Variants in MYO10 observed in about 807,000 individuals in gnomAD.
The protein encoded by MYO10 is unconventional myosin-X.
In MYO10, 133 loss-of-function variants were observed where a neutral mutation model predicts 257.3. The observed-to-expected ratio is 0.52, with a 90% CI of 0.45 to 0.60. The LOEUF (loss-of-function observed/expected upper bound fraction) is 0.60, where lower values mean the gene tolerates loss of function less well. MYO10 is among the 20% of genes least tolerant of loss of function. The pLI is 0.00. For synonymous variants in MYO10, 1,104 were observed against 1,028.6 expected, an observed-to-expected ratio of 1.07 and a Z score of -1.40; for missense variants, 2,399 against 2,635.7, an observed-to-expected ratio of 0.91 and a Z score of 1.97.
In MYO10 at chr5:16,680,460, C is replaced by T. The variant is rs559658988; in HGVS notation, c.4385-356G>A. On this transcript the variant is annotated intron_variant, in intron 32 of 40. Coordinates refer to ENST00000513610, the MANE Select transcript of MYO10 (RefSeq NM_012334.3). ...AAACTCTCTCTGATTTCTGACTTTC[C>T]TTCTTACTTCCTATTTCTTCCTTTC... Among the ~76,000 whole-genome samples the T allele has an allele frequency of 1.4e-4, 22 of 152,224 alleles. 1 individual carries two copies. The South Asian group carries it at 4.6e-3, about 32-fold the overall frequency.
chr5:16,702,316 T>C (rs180889549), intron 24 of MYO10, among the ~76,000 whole-genome samples: 2 of 152,360 alleles, frequency 1.3e-5, no homozygotes, highest in African/African-American at 4.8e-5. Flanking sequence ...ACGCTGGTTA[T>C]ACCGATTTAG....
At chr5:16,871,394 C>G (rs548256474) in intron 2 of MYO10, among the ~76,000 whole-genome samples, 8 of 152,232 alleles carry the variant, frequency 5.3e-5, no homozygotes, top group South Asian at 2.1e-4. Flanking sequence ...GCAGGCAGAT[C>G]GCTTGAGCTC....
At chr5:16,899,800 C>T (rs540947049) in intron 1 of MYO10, among the ~76,000 whole-genome samples, 2 of 151,898 alleles carry the variant, frequency 1.3e-5, no homozygotes, top group Admixed American at 6.6e-5. Context: ...GAGTTCAGGG[C>T]CAACCTGGCC....
intron 3 of MYO10, among the ~76,000 whole-genome samples, chr5:16,799,115 T>A (rs1318055573): frequency 6.6e-6 from 1 of 150,476 alleles, no homozygotes; most frequent in Non-Finnish European, 1.5e-5. Flanking sequence ...TTATTAAAAC[T>A]TCTTACACAG....
At chr5:16,844,010 T>C (rs1257905184) in intron 2 of MYO10, among the ~76,000 whole-genome samples, 2 of 152,180 alleles carry the variant, frequency 1.3e-5, no homozygotes, top group Non-Finnish European at 2.9e-5. Context: ...ACGCTGCAAG[T>C]GGGGGAAAAC....
At chr5:16,815,276 A>G in intron 3 of MYO10, 1 of 524,748 alleles carries the variant, frequency 1.9e-6, no homozygotes, top group Admixed American at 3.6e-5. Flanking sequence ...GTGGATTTCA[A>G]TATTTTTTGG....
chr5:16,814,319 C>CT (rs879475214), intron 3 of MYO10, among the ~76,000 whole-genome samples: 2,547 of 147,680 alleles, frequency 0.017, 68 homozygotes, highest in African/African-American at 0.059. Flanking sequence ...TTTTTTTGTA[C>CT]TTTTTTTTTT....
In MYO10 at chr5:16,761,990, T is replaced by C. The variant is rs138830592; in HGVS notation, c.1656+55A>G. On this transcript the variant is annotated intron_variant, in intron 16 of 40. Transcript: ENST00000513610. ...TCATGATTGGCTTCTGAAACCACTG[T>C]TTTCTCTGAATACCAAACAGGCAAA... 6.0e-4 allele frequency: 879 copies of C among 1,468,254 alleles called. 10 individuals are homozygous for C. In the East Asian group the frequency reaches 0.02, roughly 33 times the overall value. 91.0% of individuals were successfully genotyped at this position (1,468,254 alleles called of 1,614,324 possible).
chr5:16,778,968 GCATGAGCCA>G (rs1741320050), intron 9 of MYO10, among the ~76,000 whole-genome samples: 1 of 152,058 alleles, frequency 6.6e-6, no homozygotes, highest in Non-Finnish European at 1.5e-5. Flanking sequence ...GGGATTATAG[GCATGAGCCA>G]CCGCGCCTGG....
intron 10 of MYO10, among the ~76,000 whole-genome samples, chr5:16,767,406 G>C (rs1367379087): frequency 6.6e-6 from 1 of 151,780 alleles, no homozygotes; most frequent in African/African-American, 2.4e-5. Context: ...CTGACCTCAC[G>C]TGATCCACCT....
At position 16,776,751 on chromosome 5, in the gene MYO10, G is replaced by A. The variant is rs73053074; in HGVS notation, c.930+2794C>T. 2.6e-3 allele frequency among the ~76,000 whole-genome samples: 401 copies of A among 152,284 alleles called. 1 individual carries two copies. The highest frequency in any genetic ancestry group is 9.3e-3 in the African/African-American group (386 of 41,562). ...GTTCTGAAGTGGAAAATGATGTCCCGAGAGAACACAGAGTACCAACGGAGT... is the reference window on the plus strand; with the variant it reads ...GTTCTGAAGTGGAAAATGATGTCCCAAGAGAACACAGAGTACCAACGGAGT... On this transcript the variant is annotated intron_variant, in intron 9 of 40. Transcript: ENST00000513610.
At chr5:16,793,328 A>G (rs1403682770) in intron 4 of MYO10, among the ~76,000 whole-genome samples, 1 of 152,094 alleles carries the variant, frequency 6.6e-6, no homozygotes, top group African/African-American at 2.4e-5. Context: ...AAGAAATTTT[A>G]TTTATTTATT....
intron 26 of MYO10, among the ~76,000 whole-genome samples, chr5:16,698,444 T>C (rs755089115): frequency 6.6e-6 from 1 of 151,972 alleles, no homozygotes; most frequent in Non-Finnish European, 1.5e-5. Context: ...AGTGTTAAGG[T>C]TCAGCAAAGT....
rs557934134 is a variant in MYO10, at chr5:16,701,845, A to G, written c.2557-7T>C. The G allele has an allele frequency of 9.0e-5, 142 of 1,580,792 alleles. No homozygotes were observed. The highest frequency in any genetic ancestry group is 1.1e-4 in the Non-Finnish European group (123 of 1,168,138). ...GCTTCCTCGTTTCTTCTTCCTGGAC[A>G]GAAGCAGAAGGGAGATTTCAGAAGG... On this transcript the variant is annotated splice_region_variant and splice_polypyrimidine_tract_variant and intron_variant, in intron 24 of 40. Coordinates refer to ENST00000513610, the MANE Select transcript of MYO10 (RefSeq NM_012334.3). This position sits in a 1 kb window ranked among gnomAD's most constrained non-coding sequence, Gnocchi z 8.1.
At chr5:16,892,197 G>A (rs909192703) in intron 1 of MYO10, among the ~76,000 whole-genome samples, 7 of 152,164 alleles carry the variant, frequency 4.6e-5, no homozygotes. Flanking sequence ...TGCTCCCCTA[G>A]AAGACAGGGA....
intron 1 of MYO10, among the ~76,000 whole-genome samples, chr5:16,897,741 TG>T (rs1273506916): frequency 6.6e-6 from 1 of 152,194 alleles, no homozygotes; most frequent in African/African-American, 2.4e-5. Context: ...TGTGCCGTCA[TG>T]GGCTACAAGA....
At chr5:16,892,070 A>G (rs1745075756) in intron 1 of MYO10, among the ~76,000 whole-genome samples, 1 of 152,212 alleles carries the variant, frequency 6.6e-6, no homozygotes, top group African/African-American at 2.4e-5. Flanking sequence ...CACCTAGAAC[A>G]GGGCCAGACT....
chr5:16,708,686 C>T (rs1313840409), intron 21 of MYO10, among the ~76,000 whole-genome samples: 4 of 152,256 alleles, frequency 2.6e-5, no homozygotes, highest in Admixed American at 6.5e-5. Flanking sequence ...TCTAGCCACG[C>T]GAGTAGCTGG....
chr5:16,670,931 G>T lies in MYO10; in HGVS notation c.5478C>A (p.Asn1826Lys), dbSNP rs1736426156. 2 of 1,613,666 alleles carry T rather than the reference G, an allele frequency of 1.2e-6. No individual in the cohort carries two copies. The highest frequency in any genetic ancestry group is 1.7e-6 in the Non-Finnish European group (2 of 1,179,644). ...IHGHHPAPEE[N>K]LQVLAALRLQ... ...GTCGCAGGGCAGCAAGAACCTGGAGGTTTTCTTCCGGGGCTGGATGGTGGC... is the reference window on the plus strand; with the variant it reads ...GTCGCAGGGCAGCAAGAACCTGGAGTTTTTCTTCCGGGGCTGGATGGTGGC... The change falls in exon 39 of 41, where the codon AAC becomes AAA. Residue 1826 changes from asparagine (N) to lysine (K), a missense_variant. By Grantham distance (94) the Asn-to-Lys change is moderately conservative (BLOSUM62 0). This residue lies in a region of MYO10 where 1,820 missense variants were observed against 1,939.4 expected (regional missense o/e 0.94). Transcript: ENST00000513610.
Sources: gnomAD v4.1 joint callset for allele counts (sites outside exome capture counted in the v4.1 genomes callset) on GRCh38, gnomAD v4.1.1 for gene constraint, gnomAD v4.1.1 regional missense constraint, Gnocchi (gnomAD v3.1) non-coding constraint, MANE v1.5 for transcripts, NCBI Gene and HGNC (gene_info 2026-07-23, HGNC 2026-07-21) for gene names.